MTHFS: variants seen among roughly 807,000 people sequenced by gnomAD.
MTHFS encodes the protein 5-formyltetrahydrofolate cyclo-ligase.
In MTHFS, 7 loss-of-function variants were observed where a neutral mutation model predicts 12.7. That is an observed-to-expected ratio of 0.55 (90% CI 0.31 to 1.03). MTHFS has a LOEUF of 1.03. Among genes scored for constraint, MTHFS ranks in the 50% least tolerant of loss-of-function variants. The probability of loss-of-function intolerance (pLI) is 0.05; values close to 1 mark genes in which losing one functional copy is unlikely to be tolerated. For synonymous variants in MTHFS, 100 were observed against 97.1 expected, an observed-to-expected ratio of 1.03 and a Z score of -0.18; for missense variants, 252 against 258.1, an observed-to-expected ratio of 0.98 and a Z score of 0.16.
chr15:79,888,685 G>A (rs1043085100), intron 2 of MTHFS, among the ~76,000 whole-genome samples: 1 of 152,344 alleles, frequency 6.6e-6, no homozygotes, highest in Non-Finnish European at 1.5e-5. Flanking sequence ...GGAGATTTCT[G>A]GCATGGCCAG....
intron 2 of MTHFS, among the ~76,000 whole-genome samples, chr15:79,856,335 C>G (rs1166762119): frequency 1.3e-5 from 2 of 152,168 alleles, no homozygotes; most frequent in Non-Finnish European, 2.9e-5. Flanking sequence ...AGTATCTGCA[C>G]ATGTCTTTGC....
intron 2 of MTHFS, among the ~76,000 whole-genome samples, chr15:79,870,244 C>G (rs2034079660): frequency 6.6e-6 from 1 of 152,166 alleles, no homozygotes; most frequent in Non-Finnish European, 1.5e-5. Context: ...AACTATAGCC[C>G]TAAGACTAAA....
intron 2 of MTHFS, among the ~76,000 whole-genome samples, chr15:79,858,030 A>C (rs1035155468): frequency 1.3e-4 from 19 of 150,614 alleles, no homozygotes; most frequent in Admixed American, 9.2e-4. Context: ...AAAAAAAAAA[A>C]AAAAACATAA....
chr15:79,894,971 C>T (rs969237669), intron 1 of MTHFS, among the ~76,000 whole-genome samples: 1 of 152,170 alleles, frequency 6.6e-6, no homozygotes, highest in Non-Finnish European at 1.5e-5. Context: ...TTCCTCAACC[C>T]ATTATCCAAA....
chr15:79,863,393 A>C (rs1214985283), intron 2 of MTHFS, among the ~76,000 whole-genome samples: 2 of 152,064 alleles, frequency 1.3e-5, no homozygotes, highest in Non-Finnish European at 2.9e-5. Flanking sequence ...CTACAAAATA[A>C]AGTTCAAATC....
At position 79,844,871 on chromosome 15, in the gene MTHFS, G is replaced by A. The variant is rs1247462706; in HGVS notation, c.*339C>T. 1.0e-5 allele frequency: 3 copies of A among 295,896 alleles called. No individual in the cohort carries two copies. Among genetic ancestry groups the A allele is most frequent in the South Asian group, 3.7e-5 (1 of 27,096 alleles). 18.3% of individuals were successfully genotyped at this position (295,896 alleles called of 1,614,324 possible). A position where few individuals can be genotyped will look rare whatever the true frequency, so the allele number is the denominator to read the frequency against. The stretch of plus-strand genomic sequence containing the variant: ...GTAATGAAATACAGTGCCCACTCCC[G>A]CAAGTTTACCTTCCTCTCGCACTCA... On this transcript the variant is annotated 3_prime_UTR_variant, in exon 3 of 3. Transcript: ENST00000258874.
At chr15:79,848,355 C>T (rs2033656001) in intron 2 of MTHFS, among the ~76,000 whole-genome samples, 1 of 152,056 alleles carries the variant, frequency 6.6e-6, no homozygotes, top group Non-Finnish European at 1.5e-5. Context: ...AAGGGGGAGA[C>T]AGAGAGTTGC....
upstream of MTHFS, chr15:79,897,020 C>CGGCGCCCTG (rs750875051): frequency 4.7e-6 from 7 of 1,497,286 alleles, no homozygotes; most frequent in South Asian, 1.2e-5. Flanking sequence ...GTCCCGCCCT[C>CGGCGCCCTG]GGCGCCCTGG....
chr15:79,889,749 A>C (rs1334313490), intron 1 of MTHFS, among the ~76,000 whole-genome samples: 1 of 152,150 alleles, frequency 6.6e-6, no homozygotes, highest in South Asian at 2.1e-4. Context: ...CTTGGCTCCC[A>C]CAAGCTTCTC....
At chr15:79,875,088 C>T (rs1304133167) in intron 2 of MTHFS, among the ~76,000 whole-genome samples, 1 of 152,042 alleles carries the variant, frequency 6.6e-6, no homozygotes, top group African/African-American at 2.4e-5. Context: ...GGGGAAGTGA[C>T]AAATGTCCAT....
chr15:79,877,402 C>A (rs2034217184), intron 2 of MTHFS: 1 of 151,874 alleles, frequency 6.6e-6, no homozygotes, highest in South Asian at 2.1e-4. Flanking sequence ...TAGGATAAAA[C>A]TAAAGAAATC....
chr15:79,845,582 C>G, intron 2 of MTHFS, 140 bp from the exon 3 acceptor site: 3 of 1,193,490 alleles, frequency 2.5e-6, no homozygotes, highest in Admixed American at 2.9e-5. Context: ...CCAAAAAGCA[C>G]AGAGTTGGAC....
At chr15:79,890,207 C>CTTTTTT (rs71150999) in intron 1 of MTHFS, among the ~76,000 whole-genome samples, 31 of 100,742 alleles carry the variant, frequency 3.1e-4, no homozygotes, top group African/African-American at 1.0e-3. Flanking sequence ...CTCTTTTTTC[C>CTTTTTT]TTTTTTTTTT....
intron 2 of MTHFS, among the ~76,000 whole-genome samples, chr15:79,850,741 A>G (rs540318972): frequency 5.0e-4 from 76 of 152,162 alleles, no homozygotes; most frequent in Non-Finnish European, 8.8e-4. Context: ...ATATAAGTGG[A>G]GAGATGGGGA....
At chr15:79,864,056 T>C (rs2141353001) in intron 2 of MTHFS, among the ~76,000 whole-genome samples, 1 of 152,354 alleles carries the variant, frequency 6.6e-6, no homozygotes, top group East Asian at 1.9e-4. Context: ...CAGGAAGACC[T>C]GGCTCTGCCT....
At chr15:79,884,433 C>T (rs192493154) in intron 2 of MTHFS, among the ~76,000 whole-genome samples, 14 of 152,188 alleles carry the variant, frequency 9.2e-5, no homozygotes, top group Admixed American at 7.8e-4. Flanking sequence ...ATCTATTCAG[C>T]GTACAGAGAA....
chr15:79,886,811 C>A (rs1566998070), intron 2 of MTHFS, among the ~76,000 whole-genome samples: 1 of 152,162 alleles, frequency 6.6e-6, no homozygotes, highest in Non-Finnish European at 1.5e-5. Context: ...GTGAAAATAT[C>A]TGCTGAAAAT....
At chr15:79,848,504 T>C (rs1351533516) in intron 2 of MTHFS, among the ~76,000 whole-genome samples, 1 of 148,856 alleles carries the variant, frequency 6.7e-6, no homozygotes, top group Non-Finnish European at 1.5e-5. Context: ...ATATGTTATT[T>C]ACCACAATAA....
At chr15:79,860,462 G>A (rs192189590) in intron 2 of MTHFS, among the ~76,000 whole-genome samples, 1 of 151,390 alleles carries the variant, frequency 6.6e-6, no homozygotes, top group Non-Finnish European at 1.5e-5. Flanking sequence ...AATATATAAA[G>A]AATTGTTACC....
Sources: gnomAD v4.1 joint callset for allele counts (sites outside exome capture counted in the v4.1 genomes callset) on GRCh38, gnomAD v4.1.1 for gene constraint, MANE v1.5 for transcripts, NCBI Gene and HGNC (gene_info 2026-07-23, HGNC 2026-07-21) for gene names.